SLIT3: variants seen among roughly 807,000 people sequenced by gnomAD.
The protein encoded by SLIT3 is slit guidance ligand 3.
A neutral mutation model predicts 184.0 loss-of-function variants in SLIT3; 68 were observed. That is an observed-to-expected ratio of 0.37 (90% CI 0.30 to 0.45). The LOEUF is 0.45. Among genes scored for constraint, SLIT3 ranks in the 20% least tolerant of loss-of-function variants. The pLI, the probability that SLIT3 is intolerant of heterozygous loss-of-function variation, is 1.00. For synonymous variants in SLIT3, 831 were observed against 828.6 expected (o/e 1.00, Z -0.05); for missense variants, 1,707 against 2,026.0 (o/e 0.84, Z 3.02).
chr5:168,796,011 G>A (rs374588255), intron 9 of SLIT3, among the ~76,000 whole-genome samples: 50 of 152,336 alleles, frequency 3.3e-4, no homozygotes, highest in African/African-American at 1.2e-3. Context: ...CAGTTAAACA[G>A]TCAGCCACAC....
At chr5:168,969,619 A>C (rs980455137) in intron 4 of SLIT3, among the ~76,000 whole-genome samples, 1 of 152,244 alleles carries the variant, frequency 6.6e-6, no homozygotes, top group Non-Finnish European at 1.5e-5. Context: ...GCTCCGCTCA[A>C]TCTGGCTGAT....
chr5:169,083,037 A>G (rs886882330), intron 4 of SLIT3, among the ~76,000 whole-genome samples: 4 of 152,206 alleles, frequency 2.6e-5, no homozygotes, highest in Non-Finnish European at 2.9e-5. Context: ...CATATGTAAC[A>G]TATGTTATTC....
chr5:168,751,357 C>T (rs1754695386), intron 18 of SLIT3, among the ~76,000 whole-genome samples: 1 of 152,202 alleles, frequency 6.6e-6, no homozygotes, highest in South Asian at 2.1e-4. Flanking sequence ...CTAAGGATAA[C>T]AGAGCCACAT....
chr5:169,108,848 A>G (rs577813783), intron 4 of SLIT3, among the ~76,000 whole-genome samples: 11 of 152,222 alleles, frequency 7.2e-5, no homozygotes, highest in Non-Finnish European at 1.5e-4. Flanking sequence ...AACATTGCCT[A>G]GCACAGAGTG....
chr5:168,730,948 A>G (rs1442988768), intron 20 of SLIT3, among the ~76,000 whole-genome samples: 2 of 152,050 alleles, frequency 1.3e-5, no homozygotes, highest in Non-Finnish European at 2.9e-5. Context: ...GCAGAACTAA[A>G]TGAAATGGGG....
chr5:169,298,577 G>A (rs1767587424), intron 1 of SLIT3, among the ~76,000 whole-genome samples: 1 of 152,164 alleles, frequency 6.6e-6, no homozygotes, highest in South Asian at 2.1e-4. Context: ...CATTTGCAGG[G>A]TATACCAGAA....
intron 12 of SLIT3, among the ~76,000 whole-genome samples, chr5:168,782,655 TC>T (rs1318855910): frequency 6.6e-6 from 1 of 152,138 alleles, no homozygotes; most frequent in Non-Finnish European, 1.5e-5. Flanking sequence ...GGAGTTGGGA[TC>T]ATGTGCCCAG....
At chr5:168,671,772 G>A (rs1761256935) in intron 33 of SLIT3, among the ~76,000 whole-genome samples, 1 of 152,086 alleles carries the variant, frequency 6.6e-6, no homozygotes, top group Admixed American at 6.5e-5. Flanking sequence ...GAGATGATCT[G>A]GTCACCCATT....
chr5:168,978,447 T>C (rs1754839756), intron 4 of SLIT3, among the ~76,000 whole-genome samples: 1 of 152,204 alleles, frequency 6.6e-6, no homozygotes, highest in African/African-American at 2.4e-5. Flanking sequence ...TCCTTTCTTT[T>C]CTTTCTCCTC....
chr5:169,219,294 C>T (rs564819813), intron 3 of SLIT3, among the ~76,000 whole-genome samples: 23 of 152,344 alleles, frequency 1.5e-4, no homozygotes, highest in Middle Eastern at 3.4e-3. Flanking sequence ...TAACCTTCCT[C>T]GAATGCATTC....
chr5:168,772,672 C>T, intron 14 of SLIT3, 109 bp downstream of exon 14: 1 of 1,222,416 alleles, frequency 8.2e-7, no homozygotes, highest in Middle Eastern at 2.7e-4. Flanking sequence ...CAAAGATGCT[C>T]CCCAGGAGCC....
intron 4 of SLIT3, among the ~76,000 whole-genome samples, chr5:169,179,784 AC>A (rs1257648516): frequency 3.9e-5 from 6 of 152,118 alleles, no homozygotes; most frequent in African/African-American, 1.4e-4. Flanking sequence ...AACAAAAGGC[AC>A]CTTTGACCAT....
At chr5:169,065,345 T>C (rs576571989) in intron 4 of SLIT3, among the ~76,000 whole-genome samples, 37 of 152,246 alleles carry the variant, frequency 2.4e-4, no homozygotes, top group African/African-American at 8.9e-4. Flanking sequence ...AGAAGAAATA[T>C]TCCCCATTTG....
intron 4 of SLIT3, among the ~76,000 whole-genome samples, chr5:169,084,691 A>T (rs1759218646): frequency 6.6e-6 from 1 of 152,218 alleles, no homozygotes; most frequent in Admixed American, 6.5e-5. Context: ...AGCTGCAGCA[A>T]CACTGGGTCC....
chr5:168,759,499 G>T (rs1755066190), intron 16 of SLIT3, among the ~76,000 whole-genome samples: 1 of 152,194 alleles, frequency 6.6e-6, no homozygotes, highest in African/African-American at 2.4e-5. Context: ...CCCTTCGGCA[G>T]TATGTCTGGG....
At chr5:168,931,612 T>C (rs886443896) in intron 4 of SLIT3, among the ~76,000 whole-genome samples, 2 of 152,114 alleles carry the variant, frequency 1.3e-5, no homozygotes, top group Admixed American at 6.5e-5. Flanking sequence ...GAGTATACGA[T>C]GAGGGGATAG....
In SLIT3 at chr5:169,145,233, G is replaced by A. The variant is rs1352233749; in HGVS notation, c.413+48246C>T. On this transcript the variant is annotated intron_variant, in intron 4 of 35. Transcript: ENST00000519560. Reference sequence around the variant, plus strand: ...TCTGGAGAAACCCATTGTTTCTTCAGAGTTAATTAGAGTCCAATTTGGAGC... The same window carrying A: ...TCTGGAGAAACCCATTGTTTCTTCAAAGTTAATTAGAGTCCAATTTGGAGC... 4.6e-5 allele frequency among the ~76,000 whole-genome samples: 7 copies of A among 152,290 alleles called. No individual in the cohort carries two copies. In the East Asian group the frequency reaches 1.4e-3, roughly 29 times the overall value.
chr5:168,722,437 T>A, intron 22 of SLIT3, 110 bp from the exon 23 acceptor site: 1 of 916,204 alleles, frequency 1.1e-6, no homozygotes, highest in Middle Eastern at 2.2e-4. Context: ...TCAATGTTGA[T>A]ATATTGACAG....
chr5:168,723,104 TACCCATCC>T (rs1360187920), intron 21 of SLIT3, 100 bp from the exon 22 acceptor site: 7 of 801,598 alleles, frequency 8.7e-6, no homozygotes, highest in Admixed American at 3.6e-5. Flanking sequence ...CCCACTCATC[TACCCATCC>T]ACCCATCCAC....
Sources: gnomAD v4.1 joint callset for allele counts (sites outside exome capture counted in the v4.1 genomes callset) on GRCh38, gnomAD v4.1.1 for gene constraint, MANE v1.5 for transcripts, NCBI Gene and HGNC (gene_info 2026-07-23, HGNC 2026-07-21) for gene names.